RFX4: variants seen among roughly 807,000 people sequenced by gnomAD.
RFX4 encodes the protein transcription factor RFX4.
A neutral mutation model predicts 95.0 loss-of-function variants in RFX4; 10 were observed. The ratio of observed to expected loss-of-function variants is 0.11; its 90% CI spans 0.06 to 0.18. RFX4 has a LOEUF of 0.18. Among genes scored for constraint, RFX4 ranks in the 10% least tolerant of loss-of-function variants. The pLI is 1.00. For synonymous variants in RFX4, 321 were observed against 340.7 expected (o/e 0.94, Z 0.64); for missense variants, 640 against 922.0 (o/e 0.69, Z 3.96).
At chr12:106,642,320 T>C in intron 3 of RFX4, among the ~76,000 whole-genome samples, 1 of 151,290 alleles carries the variant, frequency 6.6e-6, no homozygotes, top group East Asian at 2.0e-4. Flanking sequence ...ATATATGTCA[T>C]TAAACTAATG....
intron 15 of RFX4, among the ~76,000 whole-genome samples, chr12:106,735,089 A>G (rs1440918680): frequency 1.3e-5 from 2 of 151,884 alleles, no homozygotes; most frequent in Middle Eastern, 3.2e-3. Flanking sequence ...GAAAGAAAGA[A>G]GAAAAAGAAA....
intron 4 of RFX4, among the ~76,000 whole-genome samples, chr12:106,659,409 A>G (rs1922430): frequency 0.21 from 31,575 of 152,078 alleles, 3,565 homozygotes; most frequent in South Asian, 0.28. Flanking sequence ...AAATTTTTAG[A>G]GAACAACAGA....
At chr12:106,587,958 CTT>C (rs891499399) in intron 1 of RFX4, among the ~76,000 whole-genome samples, 1 of 152,146 alleles carries the variant, frequency 6.6e-6, no homozygotes, top group African/African-American at 2.4e-5. Flanking sequence ...TGTAATATGA[CTT>C]TAGGTTAATC....
chr12:106,709,588 T>C (rs1215970686), intron 9 of RFX4, among the ~76,000 whole-genome samples, 158 bp downstream of exon 9: 1 of 152,236 alleles, frequency 6.6e-6, no homozygotes, highest in East Asian at 1.9e-4. Flanking sequence ...ATATATTTAA[T>C]CCTCATAAAA....
intron 4 of RFX4, among the ~76,000 whole-genome samples, chr12:106,654,845 T>C (rs1461688571): frequency 1.3e-5 from 2 of 152,204 alleles, no homozygotes; most frequent in African/African-American, 2.4e-5. Flanking sequence ...GAGCTATGTC[T>C]ACAAAAAATT....
At chr12:106,641,973 A>ATATCTATATCTATATC (rs1565961025) in intron 3 of RFX4, among the ~76,000 whole-genome samples, 27 of 108,488 alleles carry the variant, frequency 2.5e-4, no homozygotes, top group African/African-American at 1.0e-3. Context: ...ATATCTATCT[A>ATATCTATATCTATATC]TATCTATATC....
At chr12:106,649,190 A>G (rs981937799) in intron 3 of RFX4, among the ~76,000 whole-genome samples, 1 of 152,152 alleles carries the variant, frequency 6.6e-6, no homozygotes, top group Admixed American at 6.5e-5. Flanking sequence ...AGAAAATTTC[A>G]TCAGATATGA....
chr12:106,677,749 C>A (rs1332725294), intron 4 of RFX4, among the ~76,000 whole-genome samples: 3 of 152,132 alleles, frequency 2.0e-5, no homozygotes, highest in Non-Finnish European at 4.4e-5. Context: ...GGCAACAAGA[C>A]TGGTGGCAGG....
intron 1 of RFX4, among the ~76,000 whole-genome samples, chr12:106,588,322 A>G (rs2039493196): frequency 6.6e-6 from 1 of 152,188 alleles, no homozygotes; most frequent in Non-Finnish European, 1.5e-5. Flanking sequence ...AGGATTTACT[A>G]AAAGACACTA....
chr12:106,666,484 T>C (rs908927983), intron 4 of RFX4, among the ~76,000 whole-genome samples: 2 of 152,202 alleles, frequency 1.3e-5, no homozygotes, highest in East Asian at 3.8e-4. Flanking sequence ...CAGTCATTTT[T>C]GTTTCACATA....
chr12:106,717,095 T>C (rs1000173117), intron 11 of RFX4, among the ~76,000 whole-genome samples: 1 of 152,062 alleles, frequency 6.6e-6, no homozygotes, highest in Non-Finnish European at 1.5e-5. Flanking sequence ...CTTCTGCTTT[T>C]TCCTGTCCCC....
chr12:106,641,943 G>GTCTATCTATATCTATA (rs1565960919), intron 3 of RFX4, among the ~76,000 whole-genome samples: 1 of 132,774 alleles, frequency 7.5e-6, no homozygotes, highest in East Asian at 2.1e-4. Context: ...CTATATCTAT[G>GTCTATCTATATCTATA]TCTATATCTA....
At chr12:106,697,348 G>C (rs1229497127) in intron 8 of RFX4, among the ~76,000 whole-genome samples, 3 of 151,852 alleles carry the variant, frequency 2.0e-5, no homozygotes, top group African/African-American at 7.3e-5. Context: ...TTTTACAACT[G>C]TATAGGGTTC....
At chr12:106,584,888 C>G (rs2039431393) in intron 1 of RFX4, among the ~76,000 whole-genome samples, 1 of 152,204 alleles carries the variant, frequency 6.6e-6, no homozygotes, top group Non-Finnish European at 1.5e-5. Flanking sequence ...CCTTCCTATA[C>G]TCGATGACAA....
chr12:106,732,035 T>C lies in RFX4; in HGVS notation c.1352-95T>C, dbSNP rs564609848. ...GAAAATTAGACTCTTGAGCAGAGCA[T>C]TTAGAACACTGTGTAACTTGTGCAG... is the stretch of plus-strand genomic sequence containing the variant. On this transcript the variant is annotated intron_variant, in intron 13 of 17. Transcript: ENST00000392842. 26 of 1,531,618 alleles carry C rather than the reference T, an allele frequency of 1.7e-5. No individual in the cohort carries two copies. The African/African-American group carries it at 2.6e-4, about 15-fold the overall frequency. The allele number at this position is 1,531,618 out of a possible 1,614,324, so 94.9% of individuals were successfully genotyped here. A position where few individuals can be genotyped will look rare whatever the true frequency, so the allele number is the denominator to read the frequency against.
intron 15 of RFX4, among the ~76,000 whole-genome samples, chr12:106,740,526 CA>C (rs1334034885): frequency 7.2e-5 from 11 of 152,016 alleles, no homozygotes; most frequent in African/African-American, 2.7e-4. Flanking sequence ...ATCACAAAAT[CA>C]AATCTTAGCT....
At chr12:106,635,544 C>T (rs1306931973) in intron 2 of RFX4, among the ~76,000 whole-genome samples, 1 of 152,106 alleles carries the variant, frequency 6.6e-6, no homozygotes, top group East Asian at 1.9e-4. Flanking sequence ...AACTCCTGGC[C>T]TCAAGTGATC....
At chr12:106,693,034 A>G in intron 7 of RFX4, 1 of 371,962 alleles carries the variant, frequency 2.7e-6, no homozygotes, top group South Asian at 2.1e-5. Flanking sequence ...TAAGCCACAA[A>G]CTTTGATTCT....
At chr12:106,613,780 C>T (rs968141858) in intron 2 of RFX4, among the ~76,000 whole-genome samples, 1 of 152,196 alleles carries the variant, frequency 6.6e-6, no homozygotes, top group South Asian at 2.1e-4. Context: ...TATGTTCCCT[C>T]CTCTTTCATT....
Sources: allele counts gnomAD v4.1 joint callset (sites outside exome capture counted in the v4.1 genomes callset), GRCh38; gene constraint gnomAD v4.1.1; transcripts MANE v1.5; gene names NCBI Gene and HGNC (gene_info 2026-07-23, HGNC 2026-07-21).